Variants in WWP1 observed in about 807,000 individuals in gnomAD.
WWP1 encodes the protein NEDD4-like E3 ubiquitin-protein ligase WWP1.
In WWP1, 49 loss-of-function variants were observed where a neutral mutation model predicts 130.6. That is an observed-to-expected ratio of 0.38 (90% CI 0.30 to 0.48). The LOEUF (loss-of-function observed/expected upper bound fraction) is 0.48. Ranked by LOEUF, WWP1 falls within the 20% of genes least tolerant of loss-of-function variation. The pLI is 0.99. For missense variants in WWP1, 809 were observed against 1,100.6 expected (o/e 0.74, Z 3.75); for synonymous variants, 332 against 367.8 (o/e 0.90, Z 1.11).
chr8:86,440,230 A>C (rs1286119893), intron 17 of WWP1, among the ~76,000 whole-genome samples: 3 of 152,210 alleles, frequency 2.0e-5, no homozygotes, highest in African/African-American at 4.8e-5. Context: ...ATTTGGGTCT[A>C]AGTTTTATAT....
chr8:86,454,030 T>C (rs1315885858), intron 21 of WWP1, among the ~76,000 whole-genome samples: 6 of 152,118 alleles, frequency 3.9e-5, no homozygotes, highest in African/African-American at 1.4e-4. Flanking sequence ...CTATGTAGGA[T>C]TTAGCCTTCT....
intron 24 of WWP1, among the ~76,000 whole-genome samples, chr8:86,464,598 C>G (rs1393196572): frequency 1.3e-5 from 2 of 152,126 alleles, no homozygotes; most frequent in Non-Finnish European, 2.9e-5. Context: ...TCACTGCAGC[C>G]TCAACCTCCT....
chr8:86,450,126 C>T (rs1257706075), intron 20 of WWP1, among the ~76,000 whole-genome samples: 3 of 152,050 alleles, frequency 2.0e-5, no homozygotes, highest in Non-Finnish European at 4.4e-5. Context: ...TCTTTTTTCC[C>T]TTCTTGTAAA....
At chr8:86,374,455 A>C (rs373252215) in intron 3 of WWP1, among the ~76,000 whole-genome samples, 1 of 152,154 alleles carries the variant, frequency 6.6e-6, no homozygotes, top group Admixed American at 6.5e-5. Context: ...CATTTGTTCA[A>C]TCATTGGGCA....
rs1401277700 is a variant in WWP1 at position 86,467,050 on chromosome 8, T to G, written c.*157T>G. 11 of 574,812 alleles carry G rather than the reference T, an allele frequency of 1.9e-5. No homozygotes were observed. Among genetic ancestry groups the G allele is most frequent in the Non-Finnish European group, 3.4e-5 (11 of 328,082 alleles). 35.6% of individuals were successfully genotyped at this position (574,812 alleles called of 1,614,324 possible). ...CTTCCACAGAAATATGCAAAACAGT[T>G]CATCCTTTTCTACTTTATTTATTGT... On this transcript the variant is annotated 3_prime_UTR_variant, in exon 25 of 25. Coordinates refer to ENST00000517970, the MANE Select transcript of WWP1 (RefSeq NM_007013.4).
intron 1 of WWP1, among the ~76,000 whole-genome samples, chr8:86,348,248 C>T (rs1057365587): frequency 4.6e-5 from 7 of 151,036 alleles, no homozygotes; most frequent in Non-Finnish European, 8.8e-5. Context: ...GACGGAGTTT[C>T]CCTCTTGCTG....
chr8:86,387,485 ATATTTATTTATT>A (rs769835999), intron 5 of WWP1, among the ~76,000 whole-genome samples: 1 of 151,688 alleles, frequency 6.6e-6, no homozygotes, highest in Non-Finnish European at 1.5e-5. Flanking sequence ...TCATATATGT[ATATTTATTTATT>A]TATTTATTTA....
intron 5 of WWP1, among the ~76,000 whole-genome samples, chr8:86,384,263 A>G (rs1023232746): frequency 6.6e-6 from 1 of 152,214 alleles, no homozygotes; most frequent in African/African-American, 2.4e-5. Context: ...TGGGGGACAC[A>G]ATTCAGCCCC....
chr8:86,459,030 T>C (rs59224835), intron 22 of WWP1, among the ~76,000 whole-genome samples: 134 of 116,912 alleles, frequency 1.1e-3, no homozygotes, highest in East Asian at 4.2e-3. Context: ...TTTCTTTTTT[T>C]TTTTTTTTTT....
intron 9 of WWP1, among the ~76,000 whole-genome samples, chr8:86,414,428 A>C (rs368011967): frequency 2.0e-5 from 3 of 152,366 alleles, no homozygotes; most frequent in Non-Finnish European, 2.9e-5. Flanking sequence ...TTAGGTTGAC[A>C]TAAGATGGGT....
intron 1 of WWP1, among the ~76,000 whole-genome samples, chr8:86,368,402 A>G (rs956233283): frequency 6.6e-6 from 1 of 152,046 alleles, no homozygotes; most frequent in African/African-American, 2.4e-5. Flanking sequence ...AGTTTTTCAG[A>G]TTCTTGTTTT....
At chr8:86,425,365 T>C (rs1369918586) in intron 10 of WWP1, 47 bp downstream of exon 10, 1 of 1,481,008 alleles carries the variant, frequency 6.8e-7, no homozygotes, top group Non-Finnish European at 9.3e-7. Context: ...TTATCACACA[T>C]GTGGTTTTTA....
chr8:86,449,468 G>A (rs1811057122), intron 20 of WWP1, among the ~76,000 whole-genome samples: 1 of 152,198 alleles, frequency 6.6e-6, no homozygotes, highest in South Asian at 2.1e-4. Context: ...TGTAGACACT[G>A]AAATTTGATT....
chr8:86,427,556 C>T, intron 10 of WWP1, 87 bp from the exon 11 acceptor site: 1 of 1,367,228 alleles, frequency 7.3e-7, no homozygotes, highest in South Asian at 1.6e-5. Flanking sequence ...ATGTCTTGAA[C>T]TTGATATTTA....
chr8:86,430,894 T>G (rs989472326), intron 12 of WWP1, 143 bp downstream of exon 12: 2 of 200,692 alleles, frequency 1.0e-5, no homozygotes, highest in Non-Finnish European at 1.9e-5. Context: ...ATATATCCCT[T>G]ATAATATATA....
chr8:86,342,717 GT>G lies in WWP1; in HGVS notation c.-327del. The G allele has an allele frequency of 4.3e-5, 14 of 322,454 alleles. No homozygotes were observed. Among genetic ancestry groups the G allele is most frequent in the Non-Finnish European group, 6.7e-5 (12 of 179,934 alleles). 20.0% of individuals were successfully genotyped at this position (322,454 alleles called of 1,614,324 possible). On this transcript the variant is annotated 5_prime_UTR_variant, in exon 1 of 25. Transcript: ENST00000517970. The stretch of plus-strand genomic sequence containing the variant: ...GGGGTGGCGCGTGGACGGGGTGGGG[GT>G]GGGGGGAGGGTCGGGTGTCGGCGAG...
chr8:86,371,824 G>T (rs150499345), intron 2 of WWP1, among the ~76,000 whole-genome samples: 1 of 151,584 alleles, frequency 6.6e-6, no homozygotes, highest in East Asian at 1.9e-4. Context: ...CTCAGTTTCC[G>T]TGTAGTCAAA....
chr8:86,357,993 G>C (rs1823356927), intron 1 of WWP1, among the ~76,000 whole-genome samples: 2 of 151,808 alleles, frequency 1.3e-5, no homozygotes, highest in Non-Finnish European at 2.9e-5. Flanking sequence ...AAGCCATCTT[G>C]TCCTTAAACT....
At chr8:86,390,431 G>A (rs972773108) in intron 5 of WWP1, among the ~76,000 whole-genome samples, 2 of 152,194 alleles carry the variant, frequency 1.3e-5, no homozygotes, top group Non-Finnish European at 2.9e-5. Context: ...GCGAGACTCC[G>A]TCTGCAATCC....
Sources: allele counts gnomAD v4.1 joint callset (sites outside exome capture counted in the v4.1 genomes callset), GRCh38; gene constraint gnomAD v4.1.1; transcripts MANE v1.5; gene names NCBI Gene and HGNC (gene_info 2026-07-23, HGNC 2026-07-21).